Variants in ITGA8 observed in about 807,000 individuals in gnomAD.
ITGA8 encodes integrin alpha-8.
In ITGA8, 91 loss-of-function variants were observed where a neutral mutation model predicts 142.3. The ratio of observed to expected loss-of-function variants is 0.64; its 90% CI spans 0.54 to 0.76. The LOEUF is 0.76. Among genes scored for constraint, ITGA8 ranks in the 30% least tolerant of loss-of-function variants. The pLI, the probability that ITGA8 is intolerant of heterozygous loss-of-function variation, is 0.00. For synonymous variants in ITGA8, 505 were observed against 485.2 expected (o/e 1.04, Z -0.54); for missense variants, 1,406 against 1,327.7 (o/e 1.06, Z -0.92).
chr10:15,655,914 C>T (rs1834175610), intron 10 of ITGA8, among the ~76,000 whole-genome samples: 2 of 152,106 alleles, frequency 1.3e-5, no homozygotes, highest in Non-Finnish European at 2.9e-5. Flanking sequence ...GGTGAGACCT[C>T]ATCCCTACAA....
chr10:15,594,184 G>A (rs1039239916), intron 21 of ITGA8, among the ~76,000 whole-genome samples: 1 of 151,860 alleles, frequency 6.6e-6, no homozygotes, highest in Non-Finnish European at 1.5e-5. Context: ...TTTCTGTCAG[G>A]CTCTTCTCTC....
chr10:15,636,863 G>C (rs978139159), intron 13 of ITGA8, among the ~76,000 whole-genome samples: 2 of 152,152 alleles, frequency 1.3e-5, no homozygotes, highest in Admixed American at 6.5e-5. Context: ...AAATGAAAGA[G>C]GTCGGCCACG....
At chr10:15,686,276 T>A (rs920005019) in intron 3 of ITGA8, among the ~76,000 whole-genome samples, 2 of 152,236 alleles carry the variant, frequency 1.3e-5, no homozygotes, top group Non-Finnish European at 2.9e-5. Flanking sequence ...TGCCTCTCTA[T>A]ATATTGTAAA....
At chr10:15,532,969 T>G (rs1051004863) in intron 27 of ITGA8, among the ~76,000 whole-genome samples, 1 of 152,324 alleles carries the variant, frequency 6.6e-6, no homozygotes, top group African/African-American at 2.4e-5. Flanking sequence ...ACCTGGCATC[T>G]CTTCCCAGCT....
At chr10:15,612,657 C>A (rs1216165631) in intron 15 of ITGA8, among the ~76,000 whole-genome samples, 1 of 152,184 alleles carries the variant, frequency 6.6e-6, no homozygotes, top group African/African-American at 2.4e-5. Flanking sequence ...TATCAGCCAG[C>A]TTCTGAAAGT....
intron 6 of ITGA8, among the ~76,000 whole-genome samples, chr10:15,673,753 A>G (rs138664482): frequency 1.3e-5 from 2 of 152,186 alleles, no homozygotes; most frequent in East Asian, 1.9e-4. Context: ...GCTAGGTCCA[A>G]TGAGATCCAA....
At chr10:15,699,629 T>C (rs1835124045) in intron 2 of ITGA8, among the ~76,000 whole-genome samples, 1 of 152,212 alleles carries the variant, frequency 6.6e-6, no homozygotes, top group Non-Finnish European at 1.5e-5. Context: ...CTCTGAGCTC[T>C]GAACATTCAT....
At chr10:15,542,313 C>T (rs552578987) in intron 27 of ITGA8, among the ~76,000 whole-genome samples, 167 of 152,324 alleles carry the variant, frequency 1.1e-3, no homozygotes, top group African/African-American at 3.6e-3. Flanking sequence ...CAGACCAATG[C>T]AGGAGCCATG....
chr10:15,617,062 A>C (rs1833406993), intron 13 of ITGA8, among the ~76,000 whole-genome samples: 1 of 152,190 alleles, frequency 6.6e-6, no homozygotes, highest in South Asian at 2.1e-4. Context: ...TGGCAAAGCA[A>C]TCAGTAGTAT....
chr10:15,592,391 G>T (rs769105857), intron 21 of ITGA8, 87 bp from the exon 22 acceptor site: 17 of 955,522 alleles, frequency 1.8e-5, no homozygotes, highest in East Asian at 2.6e-5. Flanking sequence ...CCCCACCCTG[G>T]ATCACTGTAA....
At chr10:15,552,337 C>T (rs1833805785) in intron 26 of ITGA8, among the ~76,000 whole-genome samples, 3 of 152,094 alleles carry the variant, frequency 2.0e-5, no homozygotes, top group Admixed American at 1.3e-4. Flanking sequence ...CGGGGTTTCA[C>T]CATGTTAGCC....
chr10:15,657,510 ATTTTT>A (rs34510305), intron 10 of ITGA8, among the ~76,000 whole-genome samples: 1 of 132,494 alleles, frequency 7.5e-6, no homozygotes, highest in African/African-American at 2.8e-5. Flanking sequence ...CTTTTCTTTC[ATTTTT>A]TTTTTTTTTT....
At chr10:15,591,505 C>G (rs1008920134) in intron 22 of ITGA8, among the ~76,000 whole-genome samples, 1 of 151,366 alleles carries the variant, frequency 6.6e-6, no homozygotes, top group African/African-American at 2.4e-5. Context: ...TAAACTGATT[C>G]CATTACCCAG....
At chr10:15,604,566 A>G (rs1833159843) in intron 19 of ITGA8, among the ~76,000 whole-genome samples, 1 of 142,220 alleles carries the variant, frequency 7.0e-6, no homozygotes, top group South Asian at 2.3e-4. Flanking sequence ...TAAATGTTTA[A>G]CAACCAGTTC....
intron 11 of ITGA8, among the ~76,000 whole-genome samples, chr10:15,647,448 A>ATT: frequency 7.9e-6 from 1 of 127,328 alleles, no homozygotes; most frequent in Non-Finnish European, 1.7e-5. Context: ...TAAATTATTC[A>ATT]GTTTTTTTTT....
intron 27 of ITGA8, among the ~76,000 whole-genome samples, chr10:15,542,739 A>G (rs1400751579): frequency 6.6e-6 from 1 of 152,218 alleles, no homozygotes; most frequent in African/African-American, 2.4e-5. Flanking sequence ...CGGGAAGGCC[A>G]TATAATATCT....
At chr10:15,581,781 A>T (rs1207833218) in intron 23 of ITGA8, among the ~76,000 whole-genome samples, 3 of 152,270 alleles carry the variant, frequency 2.0e-5, no homozygotes, top group African/African-American at 7.2e-5. Flanking sequence ...CCTTATTATT[A>T]TATAGATTAG....
chr10:15,679,839 G>T (rs1834702524), intron 4 of ITGA8, among the ~76,000 whole-genome samples: 1 of 152,164 alleles, frequency 6.6e-6, no homozygotes, highest in African/African-American at 2.4e-5. Flanking sequence ...AGTCTGTAGG[G>T]CATTAGGACC....
chr10:15,530,971 C>T, intron 28 of ITGA8, 79 bp downstream of exon 28: 1 of 865,122 alleles, frequency 1.2e-6, no homozygotes, highest in South Asian at 1.7e-5. Context: ...AACACTAAAG[C>T]CTAGCACAAG....
Sources: allele counts gnomAD v4.1 joint callset (sites outside exome capture counted in the v4.1 genomes callset), GRCh38; gene constraint gnomAD v4.1.1; transcripts MANE v1.5; gene names NCBI Gene and HGNC (gene_info 2026-07-23, HGNC 2026-07-21).